CEP85L: variants seen among roughly 807,000 people sequenced by gnomAD.
The protein encoded by CEP85L is centrosomal protein of 85 kDa-like.
CEP85L carries 60 observed loss-of-function variants against 100.3 expected under a neutral mutation model. That is an observed-to-expected ratio of 0.60 (90% CI 0.49 to 0.74). CEP85L has a LOEUF of 0.74. Ranked by LOEUF, CEP85L falls within the 30% of genes least tolerant of loss-of-function variation. The pLI is 0.00. For missense variants in CEP85L, 973 were observed against 936.2 expected (o/e 1.04, Z -0.51); for synonymous variants, 319 against 322.7 (o/e 0.99, Z 0.12).
chr6:118,488,952 TAAG>T (rs898779942), intron 6 of CEP85L, among the ~76,000 whole-genome samples: 7 of 152,126 alleles, frequency 4.6e-5, no homozygotes, highest in African/African-American at 1.7e-4. Context: ...CAGAATAATG[TAAG>T]AAGAAGTGTT....
At chr6:118,612,424 G>A (rs368096649) in intron 2 of CEP85L, among the ~76,000 whole-genome samples, 3 of 151,732 alleles carry the variant, frequency 2.0e-5, no homozygotes, top group Non-Finnish European at 2.9e-5. Flanking sequence ...TTGTGAGGCC[G>A]AGGCGGGTGG....
At chr6:118,680,690 A>G (rs1776628924) in intron 1 of CEP85L, among the ~76,000 whole-genome samples, 1 of 147,086 alleles carries the variant, frequency 6.8e-6, no homozygotes, top group Non-Finnish European at 1.5e-5. Context: ...CGGCCTGGGC[A>G]ACATGGCAAA....
At chr6:118,610,223 G>A (rs960435619) in intron 2 of CEP85L, among the ~76,000 whole-genome samples, 5 of 152,120 alleles carry the variant, frequency 3.3e-5, no homozygotes, top group African/African-American at 9.7e-5. Context: ...TTTAAATGCA[G>A]CTCAAGCTCT....
intron 2 of CEP85L, among the ~76,000 whole-genome samples, chr6:118,592,329 CTTT>C (rs34976343): frequency 3.3e-3 from 400 of 121,652 alleles, no homozygotes; most frequent in African/African-American, 0.011. Flanking sequence ...TCCTCTAGGT[CTTT>C]TTTTTTTTTT....
chr6:118,539,067 C>T (rs1777761543), intron 3 of CEP85L, among the ~76,000 whole-genome samples: 1 of 152,010 alleles, frequency 6.6e-6, no homozygotes, highest in Non-Finnish European at 1.5e-5. Context: ...ACTATATAAC[C>T]AGCTTCTACT....
At chr6:118,652,523 A>C, upstream of CEP85L, 1 of 1,383,644 alleles carries the variant, frequency 7.2e-7, no homozygotes, top group Non-Finnish European at 9.4e-7. Flanking sequence ...ACTCAGAGGT[A>C]AGTCGGAACG....
In CEP85L at chr6:118,566,261, A is replaced by C; in HGVS notation, c.288T>G (p.Thr96=). 1 of 1,614,174 alleles carries C rather than the reference A, an allele frequency of 6.2e-7. No homozygotes were observed. The highest frequency in any genetic ancestry group is 8.5e-7 in the Non-Finnish European group (1 of 1,180,004). Reference sequence around the variant, plus strand: ...ACGGCATCACATGGGCAGTAGGAAGAGTAATCAATGATTGACTAGGCTTAA... The same window carrying C: ...ACGGCATCACATGGGCAGTAGGAAGCGTAATCAATGATTGACTAGGCTTAA... ...LSFKPSQSLI[T]LPTAHVMPSN... Residue 96 remains threonine, a synonymous_variant, in exon 3 of 13, where the codon ACT becomes ACG. Coordinates refer to ENST00000368491, the MANE Select transcript of CEP85L (RefSeq NM_001042475.3).
At chr6:118,596,789 T>C (rs1781478776) in intron 2 of CEP85L, among the ~76,000 whole-genome samples, 1 of 152,258 alleles carries the variant, frequency 6.6e-6, no homozygotes, top group Non-Finnish European at 1.5e-5. Flanking sequence ...TTTCCTGTTA[T>C]TTATTGTAAG....
chr6:118,527,706 T>C (rs1777058503), intron 3 of CEP85L, among the ~76,000 whole-genome samples: 1 of 152,158 alleles, frequency 6.6e-6, no homozygotes, highest in Non-Finnish European at 1.5e-5. Flanking sequence ...AAACTCAAAG[T>C]AGGATTTGGA....
chr6:118,519,564 GTGTGTGTGTGTGTGT>G (rs767898858), intron 4 of CEP85L, among the ~76,000 whole-genome samples: 1,120 of 14,558 alleles, frequency 0.077, 169 homozygotes, highest in Non-Finnish European at 0.2. Context: ...GTGTGTGTGT[GTGTGTGTGTGTGTGT>G]GTGGCGGGGG....
intron 6 of CEP85L, among the ~76,000 whole-genome samples, chr6:118,487,711 G>A (rs958249200): frequency 6.6e-6 from 1 of 152,184 alleles, no homozygotes. Flanking sequence ...GCCTGTCTTG[G>A]AACACTAATA....
intron 5 of CEP85L, chr6:118,502,404 G>T (rs1461266271): frequency 7.6e-6 from 4 of 528,060 alleles, no homozygotes; most frequent in Non-Finnish European, 1.5e-5. Flanking sequence ...TTTAACAAAA[G>T]GAGGGGATTC....
chr6:118,543,521 C>T (rs1778027255), intron 3 of CEP85L, among the ~76,000 whole-genome samples: 1 of 152,178 alleles, frequency 6.6e-6, no homozygotes, highest in Admixed American at 6.5e-5. Flanking sequence ...CCCCCACCAA[C>T]TTCAGATTTA....
chr6:118,665,718 G>T (rs942587937), intron 1 of CEP85L, among the ~76,000 whole-genome samples: 2 of 152,040 alleles, frequency 1.3e-5, no homozygotes, highest in Non-Finnish European at 2.9e-5. Flanking sequence ...AAATGCCAGG[G>T]TACTCAGGTT....
At chr6:118,558,817 C>A in intron 3 of CEP85L, 1 of 783,066 alleles carries the variant, frequency 1.3e-6, no homozygotes, top group Non-Finnish European at 2.3e-6. Context: ...ATTATTTTTA[C>A]ATTCCAGGCT....
intron 3 of CEP85L, among the ~76,000 whole-genome samples, chr6:118,554,306 T>A (rs998405916): frequency 6.6e-6 from 1 of 151,994 alleles, no homozygotes; most frequent in African/African-American, 2.4e-5. Flanking sequence ...CATCCATTCA[T>A]AAAAACAATT....
intron 3 of CEP85L, among the ~76,000 whole-genome samples, chr6:118,528,725 T>C (rs771451534): frequency 6.6e-6 from 1 of 152,214 alleles, no homozygotes; most frequent in Admixed American, 6.5e-5. Flanking sequence ...GGAGACATTT[T>C]ACCTTCTAAG....
At chr6:118,499,137 A>G (rs1217798067) in intron 5 of CEP85L, among the ~76,000 whole-genome samples, 1 of 152,250 alleles carries the variant, frequency 6.6e-6, no homozygotes, top group Non-Finnish European at 1.5e-5. Flanking sequence ...TTGAATGCAT[A>G]TATTAGATAA....
intron 10 of CEP85L, among the ~76,000 whole-genome samples, chr6:118,479,266 T>A (rs1357207808): frequency 1.3e-5 from 2 of 152,254 alleles, no homozygotes; most frequent in East Asian, 3.9e-4. Context: ...TACTTTGATT[T>A]TAAGAAGTAA....
Sources: allele counts gnomAD v4.1 joint callset (sites outside exome capture counted in the v4.1 genomes callset), GRCh38; gene constraint gnomAD v4.1.1; transcripts MANE v1.5; gene names NCBI Gene and HGNC (gene_info 2026-07-23, HGNC 2026-07-21).